PLEKHA1: variants seen among roughly 807,000 people sequenced by gnomAD.
PLEKHA1 encodes the protein pleckstrin homology domain containing A1, also known as pleckstrin homology domain-containing family A member 1.
Under a neutral mutation model 52.0 loss-of-function variants are expected in PLEKHA1, and 34 were observed. The observed-to-expected ratio is 0.65, with a 90% CI of 0.50 to 0.87. The LOEUF is 0.87. Ranked by LOEUF, PLEKHA1 falls within the 40% of genes least tolerant of loss-of-function variation. PLEKHA1 has a pLI of 0.00. For missense variants in PLEKHA1, 497 were observed against 504.2 expected, an observed-to-expected ratio of 0.99 and a Z score of 0.14; for synonymous variants, 163 against 170.7, an observed-to-expected ratio of 0.95 and a Z score of 0.35.
At chr10:122,391,166 T>A (rs112607131) in intron 1 of PLEKHA1, among the ~76,000 whole-genome samples, 2 of 152,008 alleles carry the variant, frequency 1.3e-5, no homozygotes, top group Non-Finnish European at 2.9e-5. Context: ...GAAAGTTACT[T>A]ATGTATTCTG....
At position 122,406,549 on chromosome 10, in the gene PLEKHA1, T is replaced by C. The variant is rs749388819; in HGVS notation, c.245-27T>C. On this transcript the variant is annotated intron_variant, in intron 4 of 11. Coordinates refer to ENST00000368990, the MANE Select transcript of PLEKHA1 (RefSeq NM_001001974.4). ...ATTTAGAGGTAATAAGTACAATATTTGGTGTGTTATTTTTTTCTGTCAACA... is the reference window on the plus strand; with the variant it reads ...ATTTAGAGGTAATAAGTACAATATTCGGTGTGTTATTTTTTTCTGTCAACA... 12 of 1,535,932 alleles carry C rather than the reference T, an allele frequency of 7.8e-6. 1 individual carries two copies. The East Asian group carries it at 1.1e-4, about 14-fold the overall frequency.
At chr10:122,376,592 CTTG>C (rs1274881239) in intron 1 of PLEKHA1, among the ~76,000 whole-genome samples, 2 of 151,314 alleles carry the variant, frequency 1.3e-5, no homozygotes, top group East Asian at 1.9e-4. Context: ...CAATCTTTAT[CTTG>C]TTAATTAGTA....
chr10:122,385,883 A>C (rs1229359132), intron 1 of PLEKHA1, among the ~76,000 whole-genome samples: 1 of 152,218 alleles, frequency 6.6e-6, no homozygotes, highest in Non-Finnish European at 1.5e-5. Context: ...TTCGTACACC[A>C]GTTGAAGGAC....
intron 3 of PLEKHA1, among the ~76,000 whole-genome samples, chr10:122,399,242 A>T (rs569252724): frequency 6.6e-5 from 10 of 152,184 alleles, no homozygotes. Context: ...GTTGGGATCA[A>T]TGAGGAACCC....
intron 2 of PLEKHA1, among the ~76,000 whole-genome samples, chr10:122,396,082 G>GA (rs1554914233): frequency 6.6e-6 from 1 of 151,698 alleles, no homozygotes; most frequent in Admixed American, 6.6e-5. Context: ...TTTGAATATT[G>GA]TTTTTCTCTC....
At chr10:122,414,633 A>G (rs1294872427) in intron 6 of PLEKHA1, among the ~76,000 whole-genome samples, 1 of 152,178 alleles carries the variant, frequency 6.6e-6, no homozygotes, top group Non-Finnish European at 1.5e-5. Context: ...TAGAAAATTC[A>G]TGAACAGATA....
chr10:122,412,707 G>A lies in PLEKHA1; in HGVS notation c.343-213G>A, dbSNP rs566952868. 16 of 530,646 alleles carry A rather than the reference G, an allele frequency of 3.0e-5. No individual in the cohort carries two copies. In the Admixed American group the frequency reaches 3.8e-4, roughly 13 times the overall value. 32.9% of individuals were successfully genotyped at this position (530,646 alleles called of 1,614,324 possible). ...AAAATGTGTGAACTAGTACCTGCCC[G>A]AGTAAGCACTCATTACGTGATAGCT... On this transcript the variant is annotated intron_variant, in intron 5 of 11. Coordinates refer to ENST00000368990, the MANE Select transcript of PLEKHA1 (RefSeq NM_001001974.4).
At chr10:122,388,323 C>T (rs971808693) in intron 1 of PLEKHA1, among the ~76,000 whole-genome samples, 2 of 152,178 alleles carry the variant, frequency 1.3e-5, no homozygotes, top group African/African-American at 2.4e-5. Context: ...TAGGTAGTAG[C>T]ATGTATCAGT....
chr10:122,402,091 G>A lies in PLEKHA1; in HGVS notation c.244+1703G>A, dbSNP rs377019265. ...TGGGTATTGCAAGTCAAATAACTGA[G>A]AACTTTGTATTTTAGAATGTATAAT... On this transcript the variant is annotated intron_variant, in intron 4 of 11. Coordinates refer to ENST00000368990, the MANE Select transcript of PLEKHA1 (RefSeq NM_001001974.4). Among the ~76,000 whole-genome samples the A allele has an allele frequency of 5.9e-5, 9 of 152,252 alleles. No individual in the cohort carries two copies. In the East Asian group the frequency reaches 1.2e-3, roughly 20 times the overall value.
chr10:122,406,193 C>G (rs2097011998), intron 4 of PLEKHA1, among the ~76,000 whole-genome samples: 1 of 152,118 alleles, frequency 6.6e-6, no homozygotes, highest in African/African-American at 2.4e-5. Flanking sequence ...GTTTAAATGT[C>G]AATTGTCTTT....
chr10:122,384,679 G>C (rs2096663766), intron 1 of PLEKHA1, among the ~76,000 whole-genome samples: 1 of 151,832 alleles, frequency 6.6e-6, no homozygotes, highest in African/African-American at 2.4e-5. Flanking sequence ...TGCTCCAGGT[G>C]TGGTGGCTCA....
intron 5 of PLEKHA1, among the ~76,000 whole-genome samples, chr10:122,410,759 T>C (rs2097095995): frequency 6.6e-6 from 1 of 152,210 alleles, no homozygotes; most frequent in Non-Finnish European, 1.5e-5. Flanking sequence ...TAAATTTCGG[T>C]ATTTTTTAGA....
downstream of PLEKHA1, chr10:122,433,513 A>AC: frequency 8.2e-6 from 1 of 121,628 alleles, no homozygotes; most frequent in East Asian, 2.5e-4. Flanking sequence ...TCTCCAAAAC[A>AC]CATAGGCTTA....
intron 1 of PLEKHA1, among the ~76,000 whole-genome samples, chr10:122,390,758 A>G (rs1023939057): frequency 1.3e-5 from 2 of 152,216 alleles, no homozygotes; most frequent in African/African-American, 4.8e-5. Context: ...AAAAACTCCA[A>G]TATCTGTGAA....
At chr10:122,419,970 A>G (rs1000816197) in intron 8 of PLEKHA1, 4 of 152,232 alleles carry the variant, frequency 2.6e-5, no homozygotes, top group African/African-American at 9.7e-5. Flanking sequence ...GACGAGGGGC[A>G]GCCAGGCTGC....
chr10:122,388,879 T>TC (rs1344384900), intron 1 of PLEKHA1, among the ~76,000 whole-genome samples: 2 of 152,204 alleles, frequency 1.3e-5, no homozygotes, highest in Non-Finnish European at 2.9e-5. Flanking sequence ...TCTCATCTGT[T>TC]CAAGTTTTAG....
rs1217191930 is a variant in PLEKHA1 at position 122,429,697 on chromosome 10, C to T, written c.974C>T (p.Ser325Phe). 1 of 1,614,130 alleles carries T rather than the reference C, an allele frequency of 6.2e-7. No homozygotes were observed. The highest frequency in any genetic ancestry group is 1.7e-5 in the Admixed American group (1 of 60,014). Residue 325 changes from serine (S) to phenylalanine (F), a missense_variant, in exon 12 of 12, where the codon TCC becomes TTC. Coordinates refer to ENST00000368990, the MANE Select transcript of PLEKHA1 (RefSeq NM_001001974.4). The stretch of plus-strand genomic sequence containing the variant: ...AACGCAGCCACCGCCACCTCACATT[C>T]CACAGCCTCTCGCAGCAACTCTTTG... ...PTNAATATSH[S>F]TASRSNSLVS...
intron 1 of PLEKHA1, among the ~76,000 whole-genome samples, chr10:122,376,584 A>G (rs1466954794): frequency 2.0e-5 from 3 of 151,414 alleles, no homozygotes; most frequent in Middle Eastern, 3.5e-3. Context: ...AGAGCTTCCA[A>G]TCTTTATCTT....
At chr10:122,418,009 A>G in intron 8 of PLEKHA1, 41 bp downstream of exon 8, 1 of 1,494,228 alleles carries the variant, frequency 6.7e-7, no homozygotes, top group South Asian at 1.1e-5. Flanking sequence ...AGAATGTTTG[A>G]AAAGTGTTGC....
Sources: gnomAD v4.1 joint callset for allele counts (sites outside exome capture counted in the v4.1 genomes callset) on GRCh38, gnomAD v4.1.1 for gene constraint, MANE v1.5 for transcripts, NCBI Gene and HGNC (gene_info 2026-07-23, HGNC 2026-07-21) for gene names.